TRAF3: variants seen among roughly 807,000 people sequenced by gnomAD.
TRAF3 encodes TNF receptor associated factor 3.
A neutral mutation model predicts 62.3 loss-of-function variants in TRAF3; 13 were observed. The observed-to-expected ratio is 0.21, with a 90% CI of 0.14 to 0.33. The LOEUF (loss-of-function observed/expected upper bound fraction) is 0.33. TRAF3 is among the 10% of genes least tolerant of loss of function. The pLI is 1.00. For missense variants in TRAF3, 440 were observed against 741.8 expected, an observed-to-expected ratio of 0.59 and a Z score of 4.73; for synonymous variants, 269 against 283.4, an observed-to-expected ratio of 0.95 and a Z score of 0.51.
intron 1 of TRAF3, among the ~76,000 whole-genome samples, chr14:102,818,848 G>T (rs1204168237): frequency 3.9e-5 from 6 of 152,066 alleles, no homozygotes; most frequent in African/African-American, 7.3e-5. Flanking sequence ...AAGGAACTTG[G>T]TGAGGTGATG....
At chr14:102,843,847 C>G (rs1886530693) in intron 2 of TRAF3, among the ~76,000 whole-genome samples, 1 of 151,796 alleles carries the variant, frequency 6.6e-6, no homozygotes, top group African/African-American at 2.4e-5. Context: ...TGACAAAGCT[C>G]CAGTGAAACT....
intron 1 of TRAF3, among the ~76,000 whole-genome samples, chr14:102,790,161 T>C (rs1897718494): frequency 6.6e-6 from 1 of 152,204 alleles, no homozygotes; most frequent in African/African-American, 2.4e-5. Context: ...TTTTTACCTT[T>C]AGGTTTTTGA....
chr14:102,787,995 G>A (rs554629676), intron 1 of TRAF3, among the ~76,000 whole-genome samples: 32 of 151,824 alleles, frequency 2.1e-4, no homozygotes, highest in Admixed American at 1.1e-3. Context: ...GGGATTACAG[G>A]TATGCACCAC....
chr14:102,836,604 C>T (rs749836324), intron 2 of TRAF3, among the ~76,000 whole-genome samples: 7 of 152,146 alleles, frequency 4.6e-5, no homozygotes, highest in Non-Finnish European at 7.4e-5. Flanking sequence ...TCATTGGATG[C>T]TACTTAGGAG....
At chr14:102,867,153 G>A (rs1205305250) in intron 2 of TRAF3, among the ~76,000 whole-genome samples, 1 of 152,106 alleles carries the variant, frequency 6.6e-6, no homozygotes, top group Non-Finnish European at 1.5e-5. Flanking sequence ...TACAAAACTG[G>A]CCTTTCGTAC....
Position 102,911,242 on chromosome 14 carries a change from G to A in TRAF3, c.*5458G>A, listed in dbSNP as rs1270299261. On this transcript the variant is annotated 3_prime_UTR_variant, in exon 12 of 12. Coordinates refer to ENST00000392745, the MANE Select transcript of TRAF3 (RefSeq NM_145725.3). ...TCTTCTAAGAAAAAACAAAAAGACCGTGAGTTATTGCCCAGCAATAATCAT... is the reference window on the plus strand; with the variant it reads ...TCTTCTAAGAAAAAACAAAAAGACCATGAGTTATTGCCCAGCAATAATCAT... 2 of 152,168 alleles carry A rather than the reference G, an allele frequency of 1.3e-5. No homozygotes were observed. Among genetic ancestry groups the A allele is most frequent in the Non-Finnish European group, 2.9e-5 (2 of 68,040 alleles). The allele number at this position is 152,168 out of a possible 1,614,324, so 9.4% of individuals were successfully genotyped here.
chr14:102,888,981 G>A (rs1452918870), intron 7 of TRAF3, among the ~76,000 whole-genome samples: 5 of 152,154 alleles, frequency 3.3e-5, no homozygotes, highest in Non-Finnish European at 5.9e-5. Flanking sequence ...AGAGTGTATG[G>A]TTAGACTGAT....
intron 2 of TRAF3, among the ~76,000 whole-genome samples, chr14:102,867,676 C>G (rs1044761154): frequency 3.3e-5 from 5 of 152,144 alleles, no homozygotes; most frequent in African/African-American, 1.2e-4. Context: ...CAGGTCGAGG[C>G]TGGTCAACCC....
intron 2 of TRAF3, among the ~76,000 whole-genome samples, chr14:102,866,892 C>CACACACACACACAG (rs1491199272): frequency 1.6e-4 from 23 of 146,594 alleles, no homozygotes; most frequent in African/African-American, 5.8e-4. Context: ...CACACACACA[C>CACACACACACACAG]AAAACAATGA....
rs565355478 is a variant in TRAF3, at chr14:102,832,956, C to A, written c.-18+2484C>A. Among the ~76,000 whole-genome samples the A allele has an allele frequency of 3.9e-5, 6 of 152,266 alleles. No individual in the cohort carries two copies. In the South Asian group the frequency reaches 1.2e-3, roughly 32 times the overall value. On this transcript the variant is annotated intron_variant, in intron 2 of 11. Transcript: ENST00000392745. ...TAAAATCTGAGAATTATAGAAAATA[C>A]GTAATTTCTACTTATCTTTCAGATT...
chr14:102,871,971 A>G lies in TRAF3; in HGVS notation c.297+3A>G. 1 of 1,614,044 alleles carries G rather than the reference A, an allele frequency of 6.2e-7. No homozygotes were observed. The highest frequency in any genetic ancestry group is 8.5e-7 in the Non-Finnish European group (1 of 1,179,882). On this transcript the variant is annotated splice_donor_region_variant and intron_variant, in intron 4 of 11. Coordinates refer to ENST00000392745, the MANE Select transcript of TRAF3 (RefSeq NM_145725.3). ...AAGAGAGCATCGTTAAAGATAAGGT[A>G]TTCTGGGGTTTTTTTTAATCATTTT...
intron 2 of TRAF3, among the ~76,000 whole-genome samples, chr14:102,843,497 C>T (rs557928699): frequency 2.0e-5 from 3 of 152,020 alleles, no homozygotes; most frequent in Admixed American, 2.0e-4. Flanking sequence ...GCCACCATAC[C>T]CAGCTAATTT....
At chr14:102,819,842 A>G (rs561551272) in intron 1 of TRAF3, among the ~76,000 whole-genome samples, 3 of 152,390 alleles carry the variant, frequency 2.0e-5, no homozygotes, top group South Asian at 4.1e-4. Flanking sequence ...GAGACTATGA[A>G]TAGCTTCACA....
chr14:102,835,610 G>A (rs1261892339), intron 2 of TRAF3, among the ~76,000 whole-genome samples: 1 of 152,188 alleles, frequency 6.6e-6, no homozygotes, highest in Non-Finnish European at 1.5e-5. Flanking sequence ...CAAGAACGTG[G>A]TTGGGAGCTG....
chr14:102,896,790 A>G (rs974031073), intron 9 of TRAF3, among the ~76,000 whole-genome samples: 1 of 152,230 alleles, frequency 6.6e-6, no homozygotes, highest in African/African-American at 2.4e-5. Context: ...CTGGCTGGGT[A>G]TGGTGACTCA....
chr14:102,875,646 A>G lies in TRAF3; in HGVS notation c.320A>G (p.Lys107Arg), dbSNP rs1250574825. The change falls in exon 5 of 12, where the codon AAG becomes AGG. Residue 107 changes from lysine to arginine, a missense_variant. By Grantham distance (26) the Lys-to-Arg change is conservative. Around this residue, in one of 6 missense-constraint regions of TRAF3, gnomAD observed 255 missense variants for 424.1 expected, o/e 0.60. Transcript: ENST00000392745. ...CAGGTGTTTAAGGATAATTGCTGCAAGAGAGAAATTCTGGCTCTTCAGATC... is the reference window on the plus strand; with the variant it reads ...CAGGTGTTTAAGGATAATTGCTGCAGGAGAGAAATTCTGGCTCTTCAGATC... ...KDKVFKDNCC[K>R]REILALQIYC... 1 of 1,613,740 alleles carries G rather than the reference A, an allele frequency of 6.2e-7. No individual in the cohort carries two copies. Among genetic ancestry groups the G allele is most frequent in the African/African-American group, 1.3e-5 (1 of 74,918 alleles).
intron 2 of TRAF3, among the ~76,000 whole-genome samples, chr14:102,839,988 G>A (rs1271819340): frequency 6.6e-6 from 1 of 152,116 alleles, no homozygotes; most frequent in Non-Finnish European, 1.5e-5. Context: ...TAAGGTATTA[G>A]TCTAATTCTA....
chr14:102,841,710 A>G (rs1303253067), intron 2 of TRAF3, among the ~76,000 whole-genome samples: 1 of 152,354 alleles, frequency 6.6e-6, no homozygotes, highest in African/African-American at 2.4e-5. Flanking sequence ...CTAGCATCTA[A>G]TAAATAATTA....
chr14:102,840,590 C>G (rs183968133), intron 2 of TRAF3, among the ~76,000 whole-genome samples: 1 of 152,208 alleles, frequency 6.6e-6, no homozygotes, highest in Admixed American at 6.5e-5. Flanking sequence ...GTCTCAAGCT[C>G]CAGCATGGCT....
Sources: allele counts gnomAD v4.1 joint callset (sites outside exome capture counted in the v4.1 genomes callset), GRCh38; gene constraint gnomAD v4.1.1; regional missense constraint gnomAD v4.1.1; transcripts MANE v1.5; gene names NCBI Gene and HGNC (gene_info 2026-07-23, HGNC 2026-07-21).